EZH2: variants seen among roughly 807,000 people sequenced by gnomAD.
The protein encoded by EZH2 is enhancer of zeste 2 polycomb repressive complex 2 subunit.
A neutral mutation model predicts 98.4 loss-of-function variants in EZH2; 18 were observed. That is an observed-to-expected ratio of 0.18 (90% CI 0.13 to 0.27). The LOEUF (loss-of-function observed/expected upper bound fraction) is 0.27, where lower values mean the gene tolerates loss of function less well. EZH2 is among the 10% of genes least tolerant of loss of function. EZH2 has a pLI of 1.00. For synonymous variants in EZH2, 338 were observed against 312.3 expected, an observed-to-expected ratio of 1.08 and a Z score of -0.87; for missense variants, 470 against 935.1, an observed-to-expected ratio of 0.50 and a Z score of 6.49.
intron 1 of EZH2, among the ~76,000 whole-genome samples, chr7:148,851,301 C>G (rs6975291): frequency 0.75 from 114,107 of 151,986 alleles, 43,780 homozygotes; most frequent in African/African-American, 0.92. Flanking sequence ...TAGAGATCTT[C>G]AGCCTAAAAC....
intron 1 of EZH2, 28 bp from the exon 2 acceptor site, chr7:148,847,333 C>T: frequency 6.2e-7 from 1 of 1,611,438 alleles, no homozygotes; most frequent in South Asian, 1.1e-5. Context: ...ATATTAAAAT[C>T]ACTAATCTAA....
chr7:148,853,438 A>G (rs1275873022), intron 1 of EZH2, among the ~76,000 whole-genome samples: 2 of 152,122 alleles, frequency 1.3e-5, no homozygotes, highest in Non-Finnish European at 2.9e-5. Flanking sequence ...GATTCTTTTA[A>G]GGAGTGTGCA....
At chr7:148,841,495 G>A (rs1430788110) in intron 3 of EZH2, among the ~76,000 whole-genome samples, 1 of 152,142 alleles carries the variant, frequency 6.6e-6, no homozygotes, top group Non-Finnish European at 1.5e-5. Context: ...CAGACTAAGA[G>A]TAAGACAGAC....
intron 10 of EZH2, 142 bp downstream of exon 10, chr7:148,817,735 C>A: frequency 8.4e-7 from 1 of 1,189,902 alleles, no homozygotes; most frequent in Non-Finnish European, 1.2e-6. Flanking sequence ...AGAAACAACA[C>A]AGCTACACAT....
chr7:148,821,717 G>A (rs932387171), intron 8 of EZH2, among the ~76,000 whole-genome samples: 5 of 152,146 alleles, frequency 3.3e-5, no homozygotes. Context: ...TCCCAGCTAC[G>A]CAGGAAGCTG....
At position 148,844,684 on chromosome 7, in the gene EZH2, T is replaced by C. The variant is rs187922733; in HGVS notation, c.246+1786A>G. 2.6e-5 allele frequency among the ~76,000 whole-genome samples: 4 copies of C among 152,358 alleles called. No homozygotes were observed. In the East Asian group the frequency reaches 7.7e-4, roughly 29 times the overall value. ...TGATTTCTTCTCCCAATTTTTCACATAAACTCACGAACATTAGGTATCTTT... is the reference window on the plus strand; with the variant it reads ...TGATTTCTTCTCCCAATTTTTCACACAAACTCACGAACATTAGGTATCTTT... On this transcript the variant is annotated intron_variant, in intron 3 of 19. Transcript: ENST00000320356.
intron 15 of EZH2, among the ~76,000 whole-genome samples, chr7:148,813,059 A>ACGCG (rs370029959): frequency 5.4e-5 from 8 of 148,086 alleles, no homozygotes; most frequent in South Asian, 2.1e-4. Context: ...ACATACACAC[A>ACGCG]CACACACACA....
chr7:148,876,723 G>GC (rs1820222027), intron 1 of EZH2, among the ~76,000 whole-genome samples: 1 of 152,212 alleles, frequency 6.6e-6, no homozygotes, highest in Non-Finnish European at 1.5e-5. Flanking sequence ...ATGGCTTAGA[G>GC]CAAGGGGCAG....
At chr7:148,854,247 T>C (rs1285422672) in intron 1 of EZH2, among the ~76,000 whole-genome samples, 1 of 152,022 alleles carries the variant, frequency 6.6e-6, no homozygotes, top group African/African-American at 2.4e-5. Flanking sequence ...AGATCGAGAC[T>C]AACACAGTGA....
intron 12 of EZH2, 33 bp downstream of exon 12, chr7:148,816,651 T>C: frequency 2.0e-6 from 3 of 1,538,448 alleles, no homozygotes; most frequent in Non-Finnish European, 2.7e-6. Context: ...CTATCTATGT[T>C]GACTTCTCTA....
chr7:148,846,652 T>C, intron 2 of EZH2, 54 bp from the exon 3 acceptor site: 1 of 1,529,814 alleles, frequency 6.5e-7, no homozygotes, highest in South Asian at 1.2e-5. Context: ...TGTTAGAAAA[T>C]GTATAACACC....
chr7:148,870,153 C>T (rs1408414745), intron 1 of EZH2, among the ~76,000 whole-genome samples: 2 of 152,210 alleles, frequency 1.3e-5, no homozygotes, highest in Admixed American at 6.5e-5. Context: ...TGGGGCAATT[C>T]AACACTTTCT....
intron 3 of EZH2, 143 bp from the exon 4 acceptor site, chr7:148,832,893 T>C: frequency 2.1e-6 from 1 of 472,890 alleles, no homozygotes; most frequent in African/African-American, 1.9e-5. Context: ...AGTGGTCATA[T>C]AAACCAAATA....
intron 3 of EZH2, among the ~76,000 whole-genome samples, chr7:148,841,820 C>A (rs1367088565): frequency 6.6e-6 from 1 of 152,006 alleles, no homozygotes; most frequent in African/African-American, 2.4e-5. Flanking sequence ...TTTTCTTCTC[C>A]TTCAACAAAA....
At chr7:148,830,892 G>C (rs994766854) in intron 4 of EZH2, among the ~76,000 whole-genome samples, 1 of 152,334 alleles carries the variant, frequency 6.6e-6, no homozygotes, top group African/African-American at 2.4e-5. Context: ...TGTTTAAAGA[G>C]ACTAATTCCA....
intron 4 of EZH2, among the ~76,000 whole-genome samples, chr7:148,831,073 T>C (rs1192234352): frequency 2.0e-5 from 3 of 152,100 alleles, no homozygotes; most frequent in Admixed American, 2.0e-4. Context: ...ACTATGATCA[T>C]GGCCCACAGG....
At chr7:148,825,156 A>G (rs776473494) in intron 8 of EZH2, among the ~76,000 whole-genome samples, 1 of 152,258 alleles carries the variant, frequency 6.6e-6, no homozygotes, top group Admixed American at 6.5e-5. Context: ...CTTTTGCTAT[A>G]GTGATATCTA....
chr7:148,816,145 TAGAGC>T, intron 12 of EZH2, among the ~76,000 whole-genome samples: 1 of 152,232 alleles, frequency 6.6e-6, no homozygotes, highest in East Asian at 1.9e-4. Context: ...ATGGGGAGAT[TAGAGC>T]AGATAGTCCA....
chr7:148,812,426 C>G (rs929830519), intron 15 of EZH2, among the ~76,000 whole-genome samples: 14 of 152,166 alleles, frequency 9.2e-5, no homozygotes, highest in Non-Finnish European at 2.1e-4. Context: ...ATGCTTTCAT[C>G]CAAAATTTTC....
Sources: allele counts gnomAD v4.1 joint callset (sites outside exome capture counted in the v4.1 genomes callset), GRCh38; gene constraint gnomAD v4.1.1; transcripts MANE v1.5; gene names NCBI Gene and HGNC (gene_info 2026-07-23, HGNC 2026-07-21).